The following RAB2A variants were observed in gnomAD, a reference collection of about 807,000 sequenced individuals.
RAB2A encodes ras-related protein Rab-2A.
In RAB2A, 7 loss-of-function variants were observed where a neutral mutation model predicts 32.5. That is an observed-to-expected ratio of 0.22 (90% CI 0.12 to 0.40). The LOEUF (loss-of-function observed/expected upper bound fraction) is 0.40. Ranked by LOEUF, RAB2A falls within the 10% of genes least tolerant of loss-of-function variation. The pLI is 1.00. For missense variants in RAB2A, 108 were observed against 260.7 expected (o/e 0.41, Z 4.03); for synonymous variants, 79 against 85.2 (o/e 0.93, Z 0.40).
intron 1 of RAB2A, among the ~76,000 whole-genome samples, chr8:60,522,352 A>C (rs1807314211): frequency 6.6e-6 from 1 of 152,158 alleles, no homozygotes; most frequent in Non-Finnish European, 1.5e-5. Context: ...ATGTTGTTAA[A>C]AAACTGTGGA....
chr8:60,528,229 C>G (rs1223142256), intron 1 of RAB2A, among the ~76,000 whole-genome samples: 1 of 152,194 alleles, frequency 6.6e-6, no homozygotes, highest in Non-Finnish European at 1.5e-5. Context: ...CTGCTATTTA[C>G]CAGCCATGTG....
intron 1 of RAB2A, among the ~76,000 whole-genome samples, chr8:60,541,357 G>T (rs7000166): frequency 0.55 from 83,278 of 151,944 alleles, 26,352 homozygotes; most frequent in African/African-American, 0.88. Flanking sequence ...AAAAGGACAT[G>T]AGGTAAAAAC....
chr8:60,592,293 T>C (rs1389073535), intron 6 of RAB2A, among the ~76,000 whole-genome samples: 2 of 152,198 alleles, frequency 1.3e-5, no homozygotes, highest in Admixed American at 6.5e-5. Flanking sequence ...TGGAGGAGAA[T>C]AGTGTAGTCC....
chr8:60,606,136 G>A (rs1449165020), intron 6 of RAB2A, among the ~76,000 whole-genome samples: 1 of 151,626 alleles, frequency 6.6e-6, no homozygotes, highest in Non-Finnish European at 1.5e-5. Context: ...GTGACAGAGT[G>A]AGACTCCGTC....
intron 1 of RAB2A, among the ~76,000 whole-genome samples, chr8:60,535,103 A>G (rs139420286): frequency 6.6e-6 from 1 of 152,334 alleles, no homozygotes; most frequent in East Asian, 1.9e-4. Context: ...AGATTTTTAG[A>G]CACAGGTAGG....
At chr8:60,564,276 C>G (rs989008206) in intron 2 of RAB2A, among the ~76,000 whole-genome samples, 5 of 152,158 alleles carry the variant, frequency 3.3e-5, no homozygotes, top group African/African-American at 1.2e-4. Context: ...GCATTGTGCC[C>G]TATAAACTAA....
At chr8:60,584,348 A>G (rs1803815011) in intron 4 of RAB2A, 58 bp downstream of exon 4, 1 of 1,398,576 alleles carries the variant, frequency 7.2e-7, no homozygotes, top group Admixed American at 1.7e-5. Flanking sequence ...TTCTAAATAG[A>G]TGTGGTTAAC....
At chr8:60,565,161 A>G (rs1040819941) in intron 2 of RAB2A, among the ~76,000 whole-genome samples, 14 of 152,288 alleles carry the variant, frequency 9.2e-5, no homozygotes, top group African/African-American at 3.1e-4. Context: ...GCTCATGCCT[A>G]TAATCCCAAC....
At chr8:60,544,751 G>A (rs1372071288) in intron 1 of RAB2A, among the ~76,000 whole-genome samples, 5 of 151,988 alleles carry the variant, frequency 3.3e-5, no homozygotes, top group African/African-American at 1.2e-4. Flanking sequence ...TAACTAACTT[G>A]CTTGAGGTCA....
At chr8:60,552,253 G>C (rs574523282) in intron 1 of RAB2A, 1 of 151,744 alleles carries the variant, frequency 6.6e-6, no homozygotes, top group Admixed American at 6.6e-5. Context: ...CACCCGCCTC[G>C]GCCTCTCAAA....
intron 1 of RAB2A, among the ~76,000 whole-genome samples, chr8:60,521,758 T>G (rs1807305649): frequency 6.6e-6 from 1 of 152,128 alleles, no homozygotes; most frequent in Non-Finnish European, 1.5e-5. Context: ...GTAGCTGGGA[T>G]TACAGGCGTC....
At chr8:60,567,866 T>A (rs1808138986) in intron 2 of RAB2A, among the ~76,000 whole-genome samples, 1 of 152,060 alleles carries the variant, frequency 6.6e-6, no homozygotes, top group South Asian at 2.1e-4. Flanking sequence ...TCTCTTAATT[T>A]TATTACTCTA....
At chr8:60,559,170 G>A (rs61291329) in intron 2 of RAB2A, 14,721 of 364,788 alleles carry the variant, frequency 0.04, 1,562 homozygotes, top group African/African-American at 0.25. Context: ...ATTGTAATTA[G>A]CGATGAAACA....
chr8:60,585,495 T>A (rs1436381701), intron 5 of RAB2A, among the ~76,000 whole-genome samples: 1 of 152,058 alleles, frequency 6.6e-6, no homozygotes, highest in African/African-American at 2.4e-5. Flanking sequence ...TTATTTCTTA[T>A]AAAGAAAGGG....
chr8:60,581,573 A>C (rs923052467), intron 3 of RAB2A, among the ~76,000 whole-genome samples: 4 of 152,340 alleles, frequency 2.6e-5, no homozygotes, highest in African/African-American at 9.6e-5. Context: ...AACCTCAAAT[A>C]AGGGGGAACT....
chr8:60,543,156 T>G (rs1276612803), intron 1 of RAB2A, among the ~76,000 whole-genome samples: 2 of 152,192 alleles, frequency 1.3e-5, no homozygotes, highest in Admixed American at 1.3e-4. Flanking sequence ...GACTCTTGAT[T>G]AGTGTATTAG....
At chr8:60,549,228 C>T (rs1322776107) in intron 1 of RAB2A, among the ~76,000 whole-genome samples, 1 of 152,100 alleles carries the variant, frequency 6.6e-6, no homozygotes, top group African/African-American at 2.4e-5. Context: ...CCTCACTTCC[C>T]AGACGGGGTG....
intron 1 of RAB2A, among the ~76,000 whole-genome samples, chr8:60,521,088 T>A (rs1024877724): frequency 1.3e-5 from 2 of 152,222 alleles, no homozygotes; most frequent in Admixed American, 6.5e-5. Flanking sequence ...AGTGCCAGAT[T>A]ACAAGCACAA....
At chr8:60,602,808 A>G (rs1020796345) in intron 6 of RAB2A, among the ~76,000 whole-genome samples, 1 of 152,216 alleles carries the variant, frequency 6.6e-6, no homozygotes, top group African/African-American at 2.4e-5. Flanking sequence ...TCTAAGTGCT[A>G]TGCCTTATGT....
Sources: allele counts gnomAD v4.1 joint callset (sites outside exome capture counted in the v4.1 genomes callset), GRCh38; gene constraint gnomAD v4.1.1; transcripts MANE v1.5; gene names NCBI Gene and HGNC (gene_info 2026-07-23, HGNC 2026-07-21).